The following DPF3 variants were observed in gnomAD, a reference collection of about 807,000 sequenced individuals.
The protein encoded by DPF3 is zinc finger protein DPF3.
DPF3 carries 18 observed loss-of-function variants against 56.8 expected under a neutral mutation model. The observed-to-expected ratio is 0.32, with a 90% confidence interval of 0.22 to 0.47. The LOEUF is 0.47. Among genes scored for constraint, DPF3 ranks in the 20% least tolerant of loss-of-function variants. The pLI, the probability that DPF3 is intolerant of heterozygous loss-of-function variation, is 1.00. For synonymous variants in DPF3, 188 were observed against 180.2 expected, an observed-to-expected ratio of 1.04 and a Z score of -0.35; for missense variants, 403 against 488.8, an observed-to-expected ratio of 0.82 and a Z score of 1.65.
chr14:72,677,200 C>T (rs1886947389), intron 7 of DPF3, among the ~76,000 whole-genome samples: 2 of 152,270 alleles, frequency 1.3e-5, no homozygotes, highest in African/African-American at 2.4e-5. Context: ...CATTTTTAGT[C>T]TGGCAATGGC....
At chr14:72,773,087 A>T (rs1387480667) in intron 1 of DPF3, among the ~76,000 whole-genome samples, 1 of 151,296 alleles carries the variant, frequency 6.6e-6, no homozygotes, top group Non-Finnish European at 1.5e-5. Context: ...TAACCAAAGT[A>T]TTTAGAGGAA....
intron 8 of DPF3, among the ~76,000 whole-genome samples, chr14:72,630,676 G>GTTAACTGGATGACA (rs1885117732): frequency 6.6e-6 from 1 of 152,152 alleles, no homozygotes; most frequent in Non-Finnish European, 1.5e-5. Flanking sequence ...ACATTCCCAA[G>GTTAACTGGATGACA]TCGCCCAGTA....
intron 8 of DPF3, among the ~76,000 whole-genome samples, chr14:72,650,666 C>T (rs1885881660): frequency 6.6e-6 from 1 of 151,992 alleles, no homozygotes; most frequent in Non-Finnish European, 1.5e-5. Context: ...ACCCTGGATC[C>T]ACACAGATGC....
rs1305268158 is a variant in DPF3, at chr14:72,610,759, G to T, written c.*8538C>A. 6.6e-6 allele frequency among the ~76,000 whole-genome samples: 1 copy of T among 152,198 alleles called. No homozygotes were observed. The highest frequency in any genetic ancestry group is 1.5e-5 in the Non-Finnish European group (1 of 68,022). ...TCAGAGCTCAGCCACTGGCTCTTGG[G>T]CTCCCAGGTTCATCCCTCAAGGAGC... is the stretch of plus-strand genomic sequence containing the variant. On this transcript the variant is annotated 3_prime_UTR_variant, in exon 11 of 11. Transcript: ENST00000556509.
chr14:72,618,139 G>T lies in DPF3; in HGVS notation c.*1158C>A, dbSNP rs549880093. Among the ~76,000 whole-genome samples, 5 of 152,224 alleles carry T rather than the reference G, an allele frequency of 3.3e-5. No individual in the cohort carries two copies. The highest frequency in any genetic ancestry group is 3.3e-4 in the Admixed American group (5 of 15,300). On this transcript the variant is annotated 3_prime_UTR_variant, in exon 11 of 11. Transcript: ENST00000556509. ...GCCCCCGCACTGAGAGTTCTAAAAT[G>T]TGGCCACCCTGGTCGTGAATAATGA...
At chr14:72,726,302 C>T (rs1407270421) in intron 4 of DPF3, among the ~76,000 whole-genome samples, 7 of 152,146 alleles carry the variant, frequency 4.6e-5, no homozygotes, top group Admixed American at 3.3e-4. Flanking sequence ...AGTACAACTC[C>T]GACTCTCATT....
At chr14:72,830,959 G>C (rs1258355973) in intron 1 of DPF3, among the ~76,000 whole-genome samples, 1 of 152,164 alleles carries the variant, frequency 6.6e-6, no homozygotes, top group Non-Finnish European at 1.5e-5. Context: ...GGGCTCTGTG[G>C]GTGGGAGCAC....
intron 1 of DPF3, among the ~76,000 whole-genome samples, chr14:72,798,281 AAAG>A (rs1263675134): frequency 1.0e-4 from 15 of 144,954 alleles, no homozygotes; most frequent in African/African-American, 3.9e-4. Context: ...AAAAAAAAAA[AAAG>A]ATTCTACTTC....
At chr14:72,718,829 A>C (rs1464204412) in intron 5 of DPF3, among the ~76,000 whole-genome samples, 1 of 128,624 alleles carries the variant, frequency 7.8e-6, no homozygotes, top group East Asian at 2.4e-4. Flanking sequence ...GCAGTGGCTC[A>C]ATCTCGGCTC....
chr14:72,779,219 T>C (rs1211827832), intron 1 of DPF3, among the ~76,000 whole-genome samples: 1 of 152,070 alleles, frequency 6.6e-6, no homozygotes, highest in Non-Finnish European at 1.5e-5. Context: ...GTCTGCAGAG[T>C]CTGTGACTGG....
chr14:72,709,144 C>T (rs543067690), intron 6 of DPF3, among the ~76,000 whole-genome samples: 1 of 152,380 alleles, frequency 6.6e-6, no homozygotes, highest in African/African-American at 2.4e-5. Flanking sequence ...TGGCAACACA[C>T]TCCCCGACTG....
intron 7 of DPF3, among the ~76,000 whole-genome samples, chr14:72,692,756 G>C (rs1887743817): frequency 6.6e-6 from 1 of 152,194 alleles, no homozygotes; most frequent in African/African-American, 2.4e-5. Flanking sequence ...GGCTCTTCAG[G>C]AGTGAGGGAA....
At chr14:72,798,213 C>G (rs771145610) in intron 1 of DPF3, among the ~76,000 whole-genome samples, 14 of 137,560 alleles carry the variant, frequency 1.0e-4, no homozygotes, top group Non-Finnish European at 1.2e-4. Flanking sequence ...AGGATCGCAC[C>G]ACGGCACTCT....
At chr14:72,853,656 G>A (rs1402904788) in intron 1 of DPF3, among the ~76,000 whole-genome samples, 3 of 151,814 alleles carry the variant, frequency 2.0e-5, no homozygotes, top group Admixed American at 6.6e-5. Context: ...TAGTAGAGAC[G>A]GGGTTTCACT....
At chr14:72,795,547 A>C (rs193297251) in intron 1 of DPF3, among the ~76,000 whole-genome samples, 1 of 152,262 alleles carries the variant, frequency 6.6e-6, no homozygotes, top group Admixed American at 6.5e-5. Flanking sequence ...GTAAATGGCA[A>C]CTAAGAAATT....
In DPF3 at chr14:72,618,141, G is replaced by T. The variant is rs889408271; in HGVS notation, c.*1156C>A. Among the ~76,000 whole-genome samples the T allele has an allele frequency of 2.0e-4, 31 of 151,952 alleles. No individual in the cohort carries two copies. The highest frequency in any genetic ancestry group is 7.3e-4 in the African/African-American group (30 of 41,364). On this transcript the variant is annotated 3_prime_UTR_variant, in exon 11 of 11. Coordinates refer to ENST00000556509, the MANE Select transcript of DPF3 (RefSeq NM_001280542.3). ...CCCCGCACTGAGAGTTCTAAAATGT[G>T]GCCACCCTGGTCGTGAATAATGACC...
intron 1 of DPF3, among the ~76,000 whole-genome samples, chr14:72,886,706 C>T (rs1474938796): frequency 6.6e-6 from 1 of 151,808 alleles, no homozygotes; most frequent in East Asian, 1.9e-4. Context: ...ATGAGTTCTG[C>T]AACCTCCTCC....
chr14:72,719,493 T>A (rs1889079366), intron 5 of DPF3, among the ~76,000 whole-genome samples: 1 of 152,160 alleles, frequency 6.6e-6, no homozygotes, highest in African/African-American at 2.4e-5. Context: ...TTTAACAAAA[T>A]CCTCAGGTGC....
intron 6 of DPF3, 40 bp downstream of exon 6, chr14:72,714,383 C>A (rs758919312): frequency 1.9e-6 from 3 of 1,608,760 alleles, no homozygotes; most frequent in African/African-American, 1.3e-5. Flanking sequence ...TGGGGGCAGG[C>A]GCACAGGGAG....
Sources: allele counts gnomAD v4.1 joint callset (sites outside exome capture counted in the v4.1 genomes callset), GRCh38; gene constraint gnomAD v4.1.1; transcripts MANE v1.5; gene names NCBI Gene and HGNC (gene_info 2026-07-23, HGNC 2026-07-21).